RAB6C: variants seen among roughly 807,000 people sequenced by gnomAD.
RAB6C encodes the protein RAB6C, member RAS oncogene family.
Under a neutral mutation model 17.2 loss-of-function variants are expected in RAB6C, and 8 were observed. That is an observed-to-expected ratio of 0.46 (90% CI 0.27 to 0.84). The LOEUF is 0.84. Ranked by LOEUF, RAB6C falls within the 40% of genes least tolerant of loss-of-function variation. RAB6C has a pLI of 0.13. For missense variants in RAB6C, 151 were observed against 306.5 expected, an observed-to-expected ratio of 0.49 and a Z score of 3.79; for synonymous variants, 78 against 118.9, an observed-to-expected ratio of 0.66 and a Z score of 2.24.
rs1248827195 is a variant in RAB6C at position 129,981,067 on chromosome 2, GGCTTGGTTAACGA to G, written c.*190_*202del. 1.7e-6 allele frequency: 1 copy of G among 603,418 alleles called. No individual in the cohort carries two copies. Among genetic ancestry groups the G allele is most frequent in the Non-Finnish European group, 3.0e-6 (1 of 334,290 alleles). 37.4% of individuals were successfully genotyped at this position (603,418 alleles called of 1,614,324 possible). A position where few individuals can be genotyped will look rare whatever the true frequency, so the allele number is the denominator to read the frequency against. Reference sequence around the variant, plus strand: ...ATGGAAATCTCAACAGTATGAGTATGGCTTGGTTAACGAGCAGTATGTTCACAGCCTGCTTTAT... The same window carrying G: ...ATGGAAATCTCAACAGTATGAGTATGGCAGTATGTTCACAGCCTGCTTTAT... On this transcript the variant is annotated 3_prime_UTR_variant, in exon 1 of 1. Transcript: ENST00000410061.
rs1681780991 is a variant in RAB6C, at chr2:129,982,273, A to G, written c.*1393A>G. 1 of 166,884 alleles carries G rather than the reference A, an allele frequency of 6.0e-6. No homozygotes were observed. Among genetic ancestry groups the G allele is most frequent in the Admixed American group, 6.6e-5 (1 of 15,250 alleles). The allele number at this position is 166,884 out of a possible 1,614,324, so 10.3% of individuals were successfully genotyped here. On this transcript the variant is annotated 3_prime_UTR_variant, in exon 1 of 1. Coordinates refer to ENST00000410061, the MANE Select transcript of RAB6C (RefSeq NM_032144.3). ...GGAGTGTGCCCTTTTAATCTTTACT[A>G]GTTATTGTGAGATTGCTGTGTAAGC...
Position 129,980,748 on chromosome 2 carries a change from C to T in RAB6C, c.633C>T (p.Pro211=). Residue 211 remains proline, a synonymous_variant, in exon 1 of 1, where the codon CCC becomes CCT. Coordinates refer to ENST00000410061, the MANE Select transcript of RAB6C (RefSeq NM_032144.3). ...AAGGGGGTTGTTCCTGCTACTCTCC[C>T]ATGTCATCTTCAACCCTTCCTCAGA... ...VSEGGCSCYS[P]MSSSTLPQKP... is the part of the protein sequence containing the mutation. 1 of 1,607,692 alleles carries T rather than the reference C, an allele frequency of 6.2e-7. No homozygotes were observed. Among genetic ancestry groups the T allele is most frequent in the Non-Finnish European group, 8.5e-7 (1 of 1,175,586 alleles).
chr2:129,980,324 C>A lies in RAB6C; in HGVS notation c.209C>A (p.Ala70Glu). Residue 70 changes from alanine (A) to glutamate (E), a missense_variant, in exon 1 of 1, where the codon GCG (alanine) becomes GAG (glutamate). By Grantham distance (107) the Ala-to-Glu change is moderately radical. Coordinates refer to ENST00000410061, the MANE Select transcript of RAB6C (RefSeq NM_032144.3). ...ATCGGGCTTCGGCTGTGGGATACGG[C>A]GGGTCAGGAACGTCTCCGTAGCCTC... is the stretch of plus-strand genomic sequence containing the variant. ...GTIGLRLWDT[A>E]GQERLRSLIP... 1.3e-6 allele frequency: 2 copies of A among 1,593,790 alleles called. No homozygotes were observed. Among genetic ancestry groups the A allele is most frequent in the South Asian group, 2.3e-5 (2 of 87,746 alleles).
rs371407777 is a variant in RAB6C, at chr2:129,980,430, A to G, written c.315A>G (p.Thr105=). 1.5e-5 allele frequency: 24 copies of G among 1,613,802 alleles called. No individual in the cohort carries two copies. In the African/African-American group the frequency reaches 2.4e-4, roughly 16 times the overall value. ...ITNVNSFQQT[T]KWIDDVRTER... is the part of the protein sequence containing the mutation. Reference sequence around the variant, plus strand: ...ATGTTAACTCATTCCAGCAAACTACAAAGTGGATTGATGATGTCAGAACAG... The same window carrying G: ...ATGTTAACTCATTCCAGCAAACTACGAAGTGGATTGATGATGTCAGAACAG... Residue 105 remains threonine, a synonymous_variant, in exon 1 of 1, where the codon ACA becomes ACG. Transcript: ENST00000410061.
rs181121537 is a variant in RAB6C at position 129,980,932 on chromosome 2, T to C, written c.*52T>C. On this transcript the variant is annotated 3_prime_UTR_variant, in exon 1 of 1. Coordinates refer to ENST00000410061, the MANE Select transcript of RAB6C (RefSeq NM_032144.3). ...AGTCAGCGTCTTCATTATTTATATT[T>C]TACAAAAAGCCAAATTATTTCAGCA... 380 of 1,546,844 alleles carry C rather than the reference T, an allele frequency of 2.5e-4. No homozygotes were observed. Among genetic ancestry groups the C allele is most frequent in the Admixed American group, 1.1e-3 (50 of 46,864 alleles).
rs1171959913 is a variant in RAB6C at position 129,981,515 on chromosome 2, C to T, written c.*635C>T. 1.2e-5 allele frequency: 2 copies of T among 167,272 alleles called. No homozygotes were observed. Among genetic ancestry groups the T allele is most frequent in the African/African-American group, 2.4e-5 (1 of 41,416 alleles). The allele number at this position is 167,272 out of a possible 1,614,324, so 10.4% of individuals were successfully genotyped here. A position where few individuals can be genotyped will look rare whatever the true frequency, so the allele number is the denominator to read the frequency against. On this transcript the variant is annotated 3_prime_UTR_variant, in exon 1 of 1. Coordinates refer to ENST00000410061, the MANE Select transcript of RAB6C (RefSeq NM_032144.3). The stretch of plus-strand genomic sequence containing the variant: ...TTAGACTCTGGGAGAGAAAAGTAAC[C>T]AAGTGCTTCAGAACAGGTTTTTAGT...
In RAB6C at chr2:129,980,669, G is replaced by A. The variant is rs776620461; in HGVS notation, c.554G>A (p.Arg185Lys). 3.7e-6 allele frequency: 6 copies of A among 1,610,588 alleles called. No homozygotes were observed. In the South Asian group the frequency reaches 6.6e-5, roughly 18 times the overall value. Residue 185 changes from arginine to lysine, a missense_variant, in exon 1 of 1, where the codon AGA becomes AAA. Around this residue, in one of 2 missense-constraint regions of RAB6C, gnomAD observed 136 missense variants for 200.0 expected, o/e 0.68. Coordinates refer to ENST00000410061, the MANE Select transcript of RAB6C (RefSeq NM_032144.3). Reference protein sequence around the residue: ...PGMESTQDGSREDMSDIKLEK... With the variant: ...PGMESTQDGSKEDMSDIKLEK... ...ATGGAAAGCACACAGGACGGAAGCA[G>A]AGAAGACATGAGTGACATAAAACTG... is the stretch of plus-strand genomic sequence containing the variant.
At position 129,979,896 on chromosome 2, in the gene RAB6C, GCT is replaced by G. The variant is rs1681712619; in HGVS notation, c.-218_-217del. ...TTCCCAGCCGCGGGCCTCGCTCCGT[GCT>G]CGGCTACTCTGCCGGGAGGCGGCGG... On this transcript the variant is annotated 5_prime_UTR_variant, in exon 1 of 1. Transcript: ENST00000410061. 1.1e-5 allele frequency: 9 copies of G among 802,548 alleles called. No individual in the cohort carries two copies. Among genetic ancestry groups the G allele is most frequent in the Non-Finnish European group, 1.8e-5 (9 of 510,266 alleles). 49.7% of individuals were successfully genotyped at this position (802,548 alleles called of 1,614,324 possible).
rs976929602 is a variant in RAB6C at position 129,982,636 on chromosome 2, T to A, written c.*1756T>A. 6.0e-6 allele frequency: 1 copy of A among 166,894 alleles called. No homozygotes were observed. The highest frequency in any genetic ancestry group is 2.4e-5 in the African/African-American group (1 of 41,364). The allele number at this position is 166,894 out of a possible 1,614,324, so 10.3% of individuals were successfully genotyped here. Reference sequence around the variant, plus strand: ...ACTTATACTTAAAGATGGGATGGAGTTATAAAGTGCTTTTATAATACAATA... The same window carrying A: ...ACTTATACTTAAAGATGGGATGGAGATATAAAGTGCTTTTATAATACAATA... On this transcript the variant is annotated 3_prime_UTR_variant, in exon 1 of 1. Transcript: ENST00000410061.
chr2:129,982,088 G>A lies in RAB6C; in HGVS notation c.*1208G>A. ...TCTGTATAGTTTAACTAGTGATTTA[G>A]TTTTATATTTAAGCTACGATTAATA... is the stretch of plus-strand genomic sequence containing the variant. On this transcript the variant is annotated 3_prime_UTR_variant, in exon 1 of 1. Transcript: ENST00000410061. 2 of 162,530 alleles carry A rather than the reference G, an allele frequency of 1.2e-5. No individual in the cohort carries two copies. The highest frequency in any genetic ancestry group is 7.1e-3 in the Middle Eastern group (2 of 282). The allele number at this position is 162,530 out of a possible 1,614,324, so 10.1% of individuals were successfully genotyped here.
In RAB6C at chr2:129,979,944, G is replaced by C; in HGVS notation, c.-172G>C. On this transcript the variant is annotated 5_prime_UTR_variant, in exon 1 of 1. Coordinates refer to ENST00000410061, the MANE Select transcript of RAB6C (RefSeq NM_032144.3). Reference sequence around the variant, plus strand: ...GGCGGCGGCTGCCAGTCTGTGGCGAGCCCTGCTGCCCTCCAGCCGGGCTCC... The same window carrying C: ...GGCGGCGGCTGCCAGTCTGTGGCGACCCCTGCTGCCCTCCAGCCGGGCTCC... 3 of 1,218,004 alleles carry C rather than the reference G, an allele frequency of 2.5e-6. No individual in the cohort carries two copies. The highest frequency in any genetic ancestry group is 1.1e-6 in the Non-Finnish European group (1 of 887,790). 75.4% of individuals were successfully genotyped at this position (1,218,004 alleles called of 1,614,324 possible).
chr2:129,980,991 T>C lies in RAB6C; in HGVS notation c.*111T>C. The C allele has an allele frequency of 7.0e-7, 1 of 1,430,558 alleles. No individual in the cohort carries two copies. The highest frequency in any genetic ancestry group is 2.5e-5 in the Admixed American group (1 of 40,376). 88.6% of individuals were successfully genotyped at this position (1,430,558 alleles called of 1,614,324 possible). A position where few individuals can be genotyped will look rare whatever the true frequency, so the allele number is the denominator to read the frequency against. ...TGATAACTTTAAAAATTAGATACAT[T>C]TTCTTAACATTTTTTTCTTTTTTAA... is the stretch of plus-strand genomic sequence containing the variant. On this transcript the variant is annotated 3_prime_UTR_variant, in exon 1 of 1. Coordinates refer to ENST00000410061, the MANE Select transcript of RAB6C (RefSeq NM_032144.3).
At position 129,980,388 on chromosome 2, in the gene RAB6C, A is replaced by T; in HGVS notation, c.273A>T (p.Val91=). The T allele has an allele frequency of 2.5e-6, 4 of 1,612,916 alleles. No individual in the cohort carries two copies. The highest frequency in any genetic ancestry group is 3.3e-5 in the Admixed American group (2 of 59,938). The change falls in exon 1 of 1, where the codon GTA becomes GTT. Residue 91 remains valine (V), a synonymous_variant. Coordinates refer to ENST00000410061, the MANE Select transcript of RAB6C (RefSeq NM_032144.3). The part of the protein sequence containing the change: ...RYIRDSAAAV[V]VYDITNVNSF... ...TCCGTGATTCTGCTGCAGCTGTAGT[A>T]GTTTACGATATCACAAATGTTAACT...
Position 129,980,474 on chromosome 2 carries a change from T to C in RAB6C, c.359T>C (p.Ile120Thr). 1 of 1,614,162 alleles carries C rather than the reference T, an allele frequency of 6.2e-7. No individual in the cohort carries two copies. Residue 120 changes from isoleucine (I) to threonine (T), a missense_variant, in exon 1 of 1, where the codon ATC (isoleucine) becomes ACC (threonine). By Grantham distance (89) the Ile-to-Thr change is moderately conservative (BLOSUM62 -1). Coordinates refer to ENST00000410061, the MANE Select transcript of RAB6C (RefSeq NM_032144.3). ...DVRTERGSDV[I>T]ITLVGNRTDL... The stretch of plus-strand genomic sequence containing the variant: ...AGAACAGAAAGAGGAAGTGATGTTA[T>C]CATCACGCTAGTAGGAAATAGAACA...
Position 129,980,512 on chromosome 2 carries a change from A to G in RAB6C, c.397A>G (p.Lys133Glu). ...AGGAAATAGAACAGATCTTGCTGAC[A>G]AGAGGCAAGTGTCAGTTGAGGAGGG... is the stretch of plus-strand genomic sequence containing the variant. ...LVGNRTDLAD[K>E]RQVSVEEGER... The change falls in exon 1 of 1, where the codon AAG (lysine) becomes GAG (glutamate). Residue 133 changes from lysine to glutamate, a missense_variant. This residue lies in a region of RAB6C where 136 missense variants were observed against 200.0 expected (regional missense o/e 0.68). Transcript: ENST00000410061. 3.1e-6 allele frequency: 5 copies of G among 1,614,250 alleles called. No individual in the cohort carries two copies. Among genetic ancestry groups the G allele is most frequent in the Non-Finnish European group, 3.4e-6 (4 of 1,180,052 alleles).
In RAB6C at chr2:129,980,535, G is replaced by A. The variant is rs1681740490; in HGVS notation, c.420G>A (p.Glu140=). 1 of 1,614,212 alleles carries A rather than the reference G, an allele frequency of 6.2e-7. No individual in the cohort carries two copies. ...LADKRQVSVE[E]GERKAKGLNV... Reference sequence around the variant, plus strand: ...ACAAGAGGCAAGTGTCAGTTGAGGAGGGAGAGAGGAAAGCCAAAGGGCTGA... The same window carrying A: ...ACAAGAGGCAAGTGTCAGTTGAGGAAGGAGAGAGGAAAGCCAAAGGGCTGA... Residue 140 remains glutamate (E), a synonymous_variant, in exon 1 of 1, where the codon GAG becomes GAA. Coordinates refer to ENST00000410061, the MANE Select transcript of RAB6C (RefSeq NM_032144.3).
chr2:129,980,941 G>T lies in RAB6C; in HGVS notation c.*61G>T. 2 of 1,539,946 alleles carry T rather than the reference G, an allele frequency of 1.3e-6. No homozygotes were observed. The highest frequency in any genetic ancestry group is 1.3e-5 in the South Asian group (1 of 77,670). On this transcript the variant is annotated 3_prime_UTR_variant, in exon 1 of 1. Coordinates refer to ENST00000410061, the MANE Select transcript of RAB6C (RefSeq NM_032144.3). ...CTTCATTATTTATATTTTACAAAAA[G>T]CCAAATTATTTCAGCATATTCCGGT...
chr2:129,981,162 C>T lies in RAB6C; in HGVS notation c.*282C>T, dbSNP rs1042247201. ...CCGTTCCCTATTTCCGTGTTCTTACCTAGCCTCCCCCCACTTCCTCAAAAC... is the reference window on the plus strand; with the variant it reads ...CCGTTCCCTATTTCCGTGTTCTTACTTAGCCTCCCCCCACTTCCTCAAAAC... On this transcript the variant is annotated 3_prime_UTR_variant, in exon 1 of 1. Coordinates refer to ENST00000410061, the MANE Select transcript of RAB6C (RefSeq NM_032144.3). 35 of 211,038 alleles carry T rather than the reference C, an allele frequency of 1.7e-4. No homozygotes were observed. The highest frequency in any genetic ancestry group is 7.8e-4 in the African/African-American group (33 of 42,530). The allele number at this position is 211,038 out of a possible 1,614,324, so 13.1% of individuals were successfully genotyped here.
chr2:129,980,469 T>G lies in RAB6C; in HGVS notation c.354T>G (p.Asp118Glu), dbSNP rs1304485483. The G allele has an allele frequency of 6.2e-7, 1 of 1,614,042 alleles. No homozygotes were observed. Residue 118 changes from aspartate (D) to glutamate (E), a missense_variant, in exon 1 of 1, where the codon GAT becomes GAG. By Grantham distance (45) the Asp-to-Glu change is conservative. Transcript: ENST00000410061. ...ATGTCAGAACAGAAAGAGGAAGTGA[T>G]GTTATCATCACGCTAGTAGGAAATA... ...IDDVRTERGS[D>E]VIITLVGNRT... is the part of the protein sequence containing the mutation.
Sources: gnomAD v4.1 joint callset for allele counts on GRCh38, gnomAD v4.1.1 for gene constraint, gnomAD v4.1.1 regional missense constraint, MANE v1.5 for transcripts, NCBI Gene and HGNC (gene_info 2026-07-23, HGNC 2026-07-21) for gene names.